KCTD8: variants seen among roughly 807,000 people sequenced by gnomAD.
KCTD8 encodes potassium channel tetramerization domain containing 8.
KCTD8 carries 27 observed loss-of-function variants against 31.5 expected under a neutral mutation model. The ratio of observed to expected loss-of-function variants is 0.86; its 90% CI spans 0.63 to 1.18. The LOEUF is 1.18. KCTD8 is among the 50% of genes most tolerant of loss of function. The pLI is 0.00. For synonymous variants in KCTD8, 290 were observed against 280.0 expected (o/e 1.04, Z -0.36); for missense variants, 658 against 647.7 (o/e 1.02, Z -0.17).
At chr4:44,372,774 A>T (rs1719823483) in intron 1 of KCTD8, among the ~76,000 whole-genome samples, 1 of 152,218 alleles carries the variant, frequency 6.6e-6, no homozygotes, top group Non-Finnish European at 1.5e-5. Context: ...AAATCAGGCC[A>T]TATTTCAGAG....
In KCTD8 at chr4:44,175,070, G is replaced by T; in HGVS notation, c.1142C>A (p.Ala381Asp). ...CAATGTTAAAGTGTTAGGTTGGTGA[G>T]CTGTTGCCTGCTGGGCACTGGATGG... ...DNPSSAQQAT[A>D]HQPNTLTLDR... Residue 381 changes from alanine to aspartate, a missense_variant, in exon 2 of 2, where the codon GCT becomes GAT. By Grantham distance (126) the Ala-to-Asp change is moderately radical (BLOSUM62 -2). Transcript: ENST00000360029. 2 of 1,614,072 alleles carry T rather than the reference G, an allele frequency of 1.2e-6. No individual in the cohort carries two copies. Among genetic ancestry groups the T allele is most frequent in the South Asian group, 1.1e-5 (1 of 91,082 alleles).
chr4:44,237,405 A>T (rs967719269), intron 1 of KCTD8, among the ~76,000 whole-genome samples: 1 of 152,040 alleles, frequency 6.6e-6, no homozygotes, highest in African/African-American at 2.4e-5. Context: ...ACAGACCATG[A>T]CCCTATGGGT....
At chr4:44,187,406 G>A (rs1326327090) in intron 1 of KCTD8, among the ~76,000 whole-genome samples, 1 of 152,196 alleles carries the variant, frequency 6.6e-6, no homozygotes. Context: ...CCCTTCTCGT[G>A]CTTAAATCAA....
intron 1 of KCTD8, among the ~76,000 whole-genome samples, chr4:44,238,171 G>T (rs1715345424): frequency 6.6e-6 from 1 of 152,100 alleles, no homozygotes; most frequent in African/African-American, 2.4e-5. Context: ...TGTATGTGCT[G>T]TTCCCTCTAC....
chr4:44,348,926 AT>A (rs1327636284), intron 1 of KCTD8, among the ~76,000 whole-genome samples: 11 of 151,934 alleles, frequency 7.2e-5, no homozygotes, highest in East Asian at 5.8e-4. Context: ...TTTTTTTCTG[AT>A]TTTTTTCCTC....
chr4:44,340,801 T>A (rs546378318), intron 1 of KCTD8, among the ~76,000 whole-genome samples: 16 of 152,080 alleles, frequency 1.1e-4, no homozygotes, highest in Non-Finnish European at 2.4e-4. Context: ...TAATCTATGA[T>A]GATAACAATC....
At position 44,198,606 on chromosome 4, in the gene KCTD8, A is replaced by G. The variant is rs927373966; in HGVS notation, c.962-23356T>C. On this transcript the variant is annotated intron_variant, in intron 1 of 1. Transcript: ENST00000360029. The stretch of plus-strand genomic sequence containing the variant: ...TAAAATCTTTCTCAGACAAACAAAC[A>G]CTAAAGGAATGTGTTACCACCAGAC... Among the ~76,000 whole-genome samples, 4 of 152,128 alleles carry G rather than the reference A, an allele frequency of 2.6e-5. No homozygotes were observed. The South Asian group carries it at 8.3e-4, about 31-fold the overall frequency.
At chr4:44,312,777 A>T (rs1421693419) in intron 1 of KCTD8, among the ~76,000 whole-genome samples, 3 of 152,144 alleles carry the variant, frequency 2.0e-5, no homozygotes, top group East Asian at 3.9e-4. Context: ...TCTTCATGGG[A>T]AAACAAGTTT....
intron 1 of KCTD8, among the ~76,000 whole-genome samples, chr4:44,289,706 C>G (rs987155181): frequency 1.3e-5 from 2 of 152,026 alleles, no homozygotes; most frequent in East Asian, 3.9e-4. Flanking sequence ...GGGGTCTGAC[C>G]AGAGAGTACA....
At chr4:44,400,412 A>G (rs1183131151) in intron 1 of KCTD8, among the ~76,000 whole-genome samples, 1 of 148,932 alleles carries the variant, frequency 6.7e-6, no homozygotes, top group Non-Finnish European at 1.5e-5. Context: ...CAGACTGGAG[A>G]GAAAAAAAAA....
At chr4:44,264,194 G>A (rs1030205888) in intron 1 of KCTD8, among the ~76,000 whole-genome samples, 2 of 150,312 alleles carry the variant, frequency 1.3e-5, no homozygotes, top group Admixed American at 6.6e-5. Context: ...TAATAAAGAA[G>A]AACCACCTCT....
intron 1 of KCTD8, among the ~76,000 whole-genome samples, chr4:44,261,453 G>A (rs1716162108): frequency 6.6e-6 from 1 of 151,798 alleles, no homozygotes; most frequent in Non-Finnish European, 1.5e-5. Flanking sequence ...AGGAGAAGAG[G>A]TATCGACATC....
intron 1 of KCTD8, among the ~76,000 whole-genome samples, chr4:44,205,260 A>C (rs1485017905): frequency 6.6e-6 from 1 of 152,220 alleles, no homozygotes; most frequent in Non-Finnish European, 1.5e-5. Flanking sequence ...TAGATACCAA[A>C]GCATATATAA....
In KCTD8 at chr4:44,228,197, G is replaced by A. The variant is rs534131051; in HGVS notation, c.962-52947C>T. ...GAAAATTATTTTCTCACAATTCTCG[G>A]GCTAGAATTCTGAGATCAAGGTGTC... On this transcript the variant is annotated intron_variant, in intron 1 of 1. Coordinates refer to ENST00000360029, the MANE Select transcript of KCTD8 (RefSeq NM_198353.3). Among the ~76,000 whole-genome samples, 6 of 152,140 alleles carry A rather than the reference G, an allele frequency of 3.9e-5. 1 individual carries two copies. In the South Asian group the frequency reaches 1.2e-3, roughly 32 times the overall value.
rs749476214 is a variant in KCTD8, at chr4:44,447,945, G to T, written c.579C>A (p.His193Gln). ...AAAVPSGPGA[H>Q]GGGGGGGAQD... Reference sequence around the variant, plus strand: ...GCGCGCCGCCGCCGCCGCCACCACCGTGCGCTCCCGGGCCCGAGGGCACGG... The same window carrying T: ...GCGCGCCGCCGCCGCCGCCACCACCTTGCGCTCCCGGGCCCGAGGGCACGG... Residue 193 changes from histidine to glutamine, a missense_variant, in exon 1 of 2, where the codon CAC becomes CAA. Physicochemically the swap from His to Gln is conservative, Grantham distance 24. Coordinates refer to ENST00000360029, the MANE Select transcript of KCTD8 (RefSeq NM_198353.3). 5.2e-4 allele frequency: 776 copies of T among 1,493,742 alleles called. 1 individual carries two copies. The highest frequency in any genetic ancestry group is 6.6e-4 in the Non-Finnish European group (735 of 1,121,118). The allele number at this position is 1,493,742 out of a possible 1,614,324, so 92.5% of individuals were successfully genotyped here.
intron 1 of KCTD8, among the ~76,000 whole-genome samples, chr4:44,201,780 A>C (rs575217545): frequency 4.3e-4 from 66 of 152,242 alleles, no homozygotes; most frequent in African/African-American, 1.5e-3. Context: ...CTACAACAAA[A>C]ATAAAATTGA....
chr4:44,403,427 T>TAAAAA (rs35324683), intron 1 of KCTD8, among the ~76,000 whole-genome samples: 1 of 144,048 alleles, frequency 6.9e-6, no homozygotes. Flanking sequence ...GGGCTACCAT[T>TAAAAA]AAAAAAAAAA....
intron 1 of KCTD8, among the ~76,000 whole-genome samples, chr4:44,207,988 A>T (rs559231617): frequency 6.6e-6 from 1 of 152,304 alleles, no homozygotes; most frequent in South Asian, 2.1e-4. Flanking sequence ...AAATGATCCC[A>T]CTTGACCTAT....
At chr4:44,420,146 A>C (rs1721176760) in intron 1 of KCTD8, among the ~76,000 whole-genome samples, 1 of 149,736 alleles carries the variant, frequency 6.7e-6, no homozygotes, top group Non-Finnish European at 1.5e-5. Flanking sequence ...AAATCATAAG[A>C]AAAAAAAAAC....
Sources: gnomAD v4.1 joint callset for allele counts (sites outside exome capture counted in the v4.1 genomes callset) on GRCh38, gnomAD v4.1.1 for gene constraint, MANE v1.5 for transcripts, NCBI Gene and HGNC (gene_info 2026-07-23, HGNC 2026-07-21) for gene names.